CADPS: variants seen among roughly 807,000 people sequenced by gnomAD.
CADPS encodes the protein calcium dependent secretion activator, also known as calcium-dependent secretion activator 1.
Under a neutral mutation model 167.3 loss-of-function variants are expected in CADPS, and 57 were observed. That is an observed-to-expected ratio of 0.34 (90% CI 0.28 to 0.42). The LOEUF (loss-of-function observed/expected upper bound fraction) is 0.42. Ranked by LOEUF, CADPS falls within the 20% of genes least tolerant of loss-of-function variation. The pLI, the probability that CADPS is intolerant of heterozygous loss-of-function variation, is 1.00. For missense variants in CADPS, 1,414 were observed against 1,738.1 expected (o/e 0.81, Z 3.32); for synonymous variants, 676 against 635.3 (o/e 1.06, Z -0.96).
At chr3:62,685,995 T>C (rs954308368) in intron 3 of CADPS, among the ~76,000 whole-genome samples, 15 of 152,140 alleles carry the variant, frequency 9.9e-5, no homozygotes, top group African/African-American at 3.4e-4. Flanking sequence ...TATTAAATGT[T>C]TCCCAACACA....
chr3:62,695,529 T>C lies in CADPS; in HGVS notation c.889-33135A>G, dbSNP rs148785995. Reference sequence around the variant, plus strand: ...AAGAAACATTTACCTGACTATCCTCTCTAAGGGTTGGTACCTGTGAAATTT... The same window carrying C: ...AAGAAACATTTACCTGACTATCCTCCCTAAGGGTTGGTACCTGTGAAATTT... On this transcript the variant is annotated intron_variant, in intron 3 of 29. Transcript: ENST00000383710. Among the ~76,000 whole-genome samples the C allele has an allele frequency of 1.6e-3, 246 of 152,208 alleles. 1 individual carries two copies. The highest frequency in any genetic ancestry group is 5.8e-3 in the African/African-American group (239 of 41,514).
chr3:62,817,484 C>T (rs934445059), intron 1 of CADPS, among the ~76,000 whole-genome samples: 5 of 152,166 alleles, frequency 3.3e-5, no homozygotes, highest in African/African-American at 1.2e-4. Flanking sequence ...ATCTACTGCA[C>T]AGTTTGGATG....
chr3:62,738,679 T>C (rs2079531645), intron 3 of CADPS, among the ~76,000 whole-genome samples: 1 of 152,104 alleles, frequency 6.6e-6, no homozygotes, highest in African/African-American at 2.4e-5. Flanking sequence ...TGAGCCAAGA[T>C]TGTAGCATTG....
intron 6 of CADPS, among the ~76,000 whole-genome samples, chr3:62,595,429 A>G (rs1315200358): frequency 1.3e-5 from 2 of 152,064 alleles, no homozygotes; most frequent in Non-Finnish European, 2.9e-5. Flanking sequence ...TGGCTTAGTC[A>G]CTTGCAAACT....
chr3:62,515,900 A>G (rs941650427), intron 16 of CADPS, among the ~76,000 whole-genome samples, 159 bp downstream of exon 16: 5 of 152,166 alleles, frequency 3.3e-5, no homozygotes, highest in African/African-American at 9.6e-5. Flanking sequence ...TTACTTGGCC[A>G]CAGCCAAGGA....
intron 4 of CADPS, among the ~76,000 whole-genome samples, chr3:62,661,963 G>A (rs1196565869): frequency 6.6e-6 from 1 of 152,190 alleles, no homozygotes; most frequent in Non-Finnish European, 1.5e-5. Context: ...AGTTATGTGT[G>A]TGGGGTGGGA....
chr3:62,475,656 T>C (rs1406265756), intron 23 of CADPS, among the ~76,000 whole-genome samples: 3 of 149,142 alleles, frequency 2.0e-5, no homozygotes, highest in African/African-American at 5.0e-5. Flanking sequence ...ATATATTATA[T>C]GATCATGTTA....
chr3:62,578,845 CA>C (rs1421751506), intron 8 of CADPS, among the ~76,000 whole-genome samples: 1 of 151,944 alleles, frequency 6.6e-6, no homozygotes, highest in Admixed American at 6.6e-5. Flanking sequence ...AAGAAGTCAA[CA>C]AGGGAGATAA....
intron 6 of CADPS, among the ~76,000 whole-genome samples, chr3:62,628,962 AT>A (rs2064713908): frequency 6.6e-6 from 1 of 151,690 alleles, no homozygotes; most frequent in Non-Finnish European, 1.5e-5. Context: ...TAAAACATCT[AT>A]TTTTCTTCAC....
intron 27 of CADPS, chr3:62,439,014 GA>G (rs2055752634): frequency 6.6e-6 from 1 of 150,992 alleles, no homozygotes; most frequent in African/African-American, 2.4e-5. Context: ...AAAAAAAAAA[GA>G]AACTCAGAAA....
intron 1 of CADPS, among the ~76,000 whole-genome samples, chr3:62,840,082 A>G (rs560287628): frequency 6.6e-6 from 1 of 152,294 alleles, no homozygotes; most frequent in South Asian, 2.1e-4. Flanking sequence ...AAATTTGATC[A>G]TGTTCATGGA....
At chr3:62,483,025 C>T (rs188528669) in intron 21 of CADPS, among the ~76,000 whole-genome samples, 22 of 152,116 alleles carry the variant, frequency 1.4e-4, no homozygotes, top group African/African-American at 4.8e-4. Flanking sequence ...TACACGGCTC[C>T]TCAAGCTGGC....
At chr3:62,649,683 C>T (rs1216800332) in intron 5 of CADPS, among the ~76,000 whole-genome samples, 2 of 150,512 alleles carry the variant, frequency 1.3e-5, no homozygotes, top group Non-Finnish European at 3.0e-5. Flanking sequence ...ACCTCAGCCT[C>T]CCAAGGAGCT....
chr3:62,615,272 C>A (rs1462209023), intron 6 of CADPS, among the ~76,000 whole-genome samples: 1 of 152,162 alleles, frequency 6.6e-6, no homozygotes, highest in Admixed American at 6.5e-5. Context: ...AAACCACCTT[C>A]TCTAATTTGT....
chr3:62,431,122 T>C (rs1416209436), intron 28 of CADPS, among the ~76,000 whole-genome samples: 2 of 152,156 alleles, frequency 1.3e-5, no homozygotes, highest in African/African-American at 4.8e-5. Context: ...TTCAGACTGA[T>C]TTGGAGGGCT....
intron 21 of CADPS, among the ~76,000 whole-genome samples, chr3:62,482,419 C>T (rs1425274695): frequency 1.3e-5 from 2 of 152,174 alleles, no homozygotes; most frequent in Admixed American, 6.5e-5. Context: ...TTTCTAACTG[C>T]TGCTTCTAAA....
chr3:62,863,945 T>G (rs1006774509), intron 1 of CADPS, among the ~76,000 whole-genome samples: 1 of 152,172 alleles, frequency 6.6e-6, no homozygotes, highest in Non-Finnish European at 1.5e-5. Context: ...GTGAGGACAT[T>G]GAAAGGAGAT....
intron 1 of CADPS, among the ~76,000 whole-genome samples, chr3:62,856,387 G>A (rs1440529266): frequency 6.6e-6 from 1 of 152,120 alleles, no homozygotes; most frequent in African/African-American, 2.4e-5. Flanking sequence ...CCTGGATGGG[G>A]TTTCAATGTC....
intron 1 of CADPS, among the ~76,000 whole-genome samples, chr3:62,767,245 C>A (rs1576108549): frequency 1.3e-5 from 2 of 152,218 alleles, no homozygotes; most frequent in African/African-American, 2.4e-5. Flanking sequence ...AAAAGTAAGA[C>A]CAGTCCAGTA....
Sources: allele counts gnomAD v4.1 joint callset (sites outside exome capture counted in the v4.1 genomes callset), GRCh38; gene constraint gnomAD v4.1.1; transcripts MANE v1.5; gene names NCBI Gene and HGNC (gene_info 2026-07-23, HGNC 2026-07-21).